Variants in SIPA1L3 observed in about 807,000 individuals in gnomAD.
The protein encoded by SIPA1L3 is signal-induced proliferation-associated 1-like protein 3.
In SIPA1L3, 59 loss-of-function variants were observed where a neutral mutation model predicts 150.1. That is an observed-to-expected ratio of 0.39 (90% CI 0.32 to 0.49). The LOEUF is 0.49. Ranked by LOEUF, SIPA1L3 falls within the 20% of genes least tolerant of loss-of-function variation. The probability of loss-of-function intolerance (pLI) is 0.86; values close to 1 mark genes in which losing one functional copy is unlikely to be tolerated. For synonymous variants in SIPA1L3, 1,070 were observed against 1,077.6 expected (o/e 0.99, Z 0.14); for missense variants, 2,211 against 2,489.5 (o/e 0.89, Z 2.38).
intron 2 of SIPA1L3, among the ~76,000 whole-genome samples, chr19:38,058,505 G>A (rs1044733240): frequency 2.6e-5 from 4 of 152,084 alleles, no homozygotes; most frequent in Non-Finnish European, 4.4e-5. Context: ...CTCTGTGAGG[G>A]TGCCCCGCTC....
At chr19:38,063,960 G>A (rs916777208) in intron 2 of SIPA1L3, among the ~76,000 whole-genome samples, 3 of 152,222 alleles carry the variant, frequency 2.0e-5, no homozygotes, top group African/African-American at 7.2e-5. Context: ...TAAGTACCCA[G>A]AAGGGGCCAC....
intron 1 of SIPA1L3, among the ~76,000 whole-genome samples, chr19:37,920,467 T>C (rs955366631): frequency 3.9e-5 from 6 of 152,148 alleles, no homozygotes; most frequent in Non-Finnish European, 4.4e-5. Context: ...GTGCAGGGGC[T>C]CAAGTGTGCA....
chr19:38,182,636 C>G lies in SIPA1L3; in HGVS notation c.4326C>G (p.Pro1442=). 1 of 1,614,196 alleles carries G rather than the reference C, an allele frequency of 6.2e-7. No individual in the cohort carries two copies. The highest frequency in any genetic ancestry group is 2.2e-5 in the East Asian group (1 of 44,886). The stretch of plus-strand genomic sequence containing the variant: ...CCTTTCAGCTCTCCGCCTCCGTCCC[C>G]AAGTCCTTCTTCTCCAAGCAGCCTG... The part of the protein sequence containing the change: ...PSPFQLSASV[P]KSFFSKQPVR... Residue 1442 remains proline, a synonymous_variant, in exon 16 of 22, where the codon CCC becomes CCG. Transcript: ENST00000222345.
intron 2 of SIPA1L3, 134 bp from the exon 3 acceptor site, chr19:38,081,122 G>T (rs868110126): frequency 2.5e-6 from 1 of 398,090 alleles, no homozygotes; most frequent in Middle Eastern, 6.4e-4. Context: ...CTCTGCTTTT[G>T]AGTATGTTTG....
chr19:37,974,855 C>T (rs1267994048), intron 1 of SIPA1L3, among the ~76,000 whole-genome samples: 1 of 152,116 alleles, frequency 6.6e-6, no homozygotes, highest in Non-Finnish European at 1.5e-5. Flanking sequence ...TCTCCCTTAT[C>T]CTAGTTTTAA....
intron 1 of SIPA1L3, among the ~76,000 whole-genome samples, chr19:38,028,245 T>C (rs1175205312): frequency 6.6e-6 from 1 of 152,214 alleles, no homozygotes; most frequent in East Asian, 1.9e-4. Context: ...CAAGTATGAT[T>C]TCTCTGTCAT....
chr19:38,110,453 C>A, intron 8 of SIPA1L3, 69 bp downstream of exon 8: 1 of 1,407,112 alleles, frequency 7.1e-7, no homozygotes, highest in Non-Finnish European at 9.9e-7. Context: ...CAAGTGGGTC[C>A]CAGTACAGGG....
intron 1 of SIPA1L3, among the ~76,000 whole-genome samples, chr19:37,947,382 A>G (rs1344503551): frequency 6.6e-6 from 1 of 151,112 alleles, no homozygotes; most frequent in Non-Finnish European, 1.5e-5. Flanking sequence ...CCAGCTACTC[A>G]GGAGGCTGAG....
At chr19:37,934,717 A>T (rs887609609) in intron 1 of SIPA1L3, among the ~76,000 whole-genome samples, 3 of 124,854 alleles carry the variant, frequency 2.4e-5, no homozygotes, top group Middle Eastern at 0.011. Flanking sequence ...TCCTTCACCC[A>T]TGGTAACAAT....
At position 37,962,463 on chromosome 19, in the gene SIPA1L3, C is replaced by CTTTTTTTTTTTTTTTTTTTTTTTTTT. The variant is rs71177491; in HGVS notation, c.-379+55128_-379+55129insTTTTTTTTTTTTTTTTTTTTTTTTTT. Among the ~76,000 whole-genome samples, 3 of 73,096 alleles carry CTTTTTTTTTTTTTTTTTTTTTTTTTT rather than the reference C, an allele frequency of 4.1e-5. 1 individual carries two copies. The highest frequency in any genetic ancestry group is 2.1e-4 in the African/African-American group (3 of 14,038). 48.0% of individuals were successfully genotyped at this position (73,096 alleles called of 152,430 possible). ...TTGGCCATGAGCCACTGCAGCCGGC[C>CTTTTTTTTTTTTTTTTTTTTTTTTTT]TTTTTTTTTTTTTTTTTTTTTTTGA... On this transcript the variant is annotated intron_variant, in intron 1 of 21. Coordinates refer to ENST00000222345, the MANE Select transcript of SIPA1L3 (RefSeq NM_015073.3).
rs769600619 is a variant in SIPA1L3, at chr19:38,082,685, G to A, written c.1120G>A (p.Ala374Thr). ...GCGGAACACCACCACGGGTGCTTCG[G>A]CCGCTTCCGCCGCCTCGGCCATGGC... Reference protein sequence around the residue: ...QRRNTTTGASAASAASAMASL... With the variant: ...QRRNTTTGASTASAASAMASL... The change falls in exon 3 of 22, where the codon GCC becomes ACC. Residue 374 changes from alanine to threonine, a missense_variant. Coordinates refer to ENST00000222345, the MANE Select transcript of SIPA1L3 (RefSeq NM_015073.3). The A allele has an allele frequency of 3.1e-6, 5 of 1,608,818 alleles. No individual in the cohort carries two copies. The highest frequency in any genetic ancestry group is 1.7e-5 in the Admixed American group (1 of 59,910).
chr19:38,132,507 C>A (rs535281925), intron 10 of SIPA1L3, among the ~76,000 whole-genome samples: 2 of 149,730 alleles, frequency 1.3e-5, no homozygotes, highest in African/African-American at 4.9e-5. Flanking sequence ...TTGCTTGAAC[C>A]CGGGAGGCAG....
intron 2 of SIPA1L3, among the ~76,000 whole-genome samples, chr19:38,041,128 T>C (rs1360653412): frequency 3.6e-5 from 5 of 140,450 alleles, no homozygotes; most frequent in Admixed American, 7.3e-5. Context: ...TTTTTTTGAG[T>C]TGGAGTCTCA....
chr19:37,986,591 A>C (rs1295281719), intron 1 of SIPA1L3, among the ~76,000 whole-genome samples: 1 of 152,190 alleles, frequency 6.6e-6, no homozygotes, highest in African/African-American at 2.4e-5. Context: ...GTGCCTCCAC[A>C]AAAGGGACTG....
At chr19:38,098,302 G>T (rs188736307) in intron 4 of SIPA1L3, among the ~76,000 whole-genome samples, 1 of 151,836 alleles carries the variant, frequency 6.6e-6, no homozygotes, top group Admixed American at 6.6e-5. Context: ...CTTTCCTCAT[G>T]ATTGCAATCT....
At chr19:38,043,889 A>G (rs930967687) in intron 2 of SIPA1L3, among the ~76,000 whole-genome samples, 1 of 152,142 alleles carries the variant, frequency 6.6e-6, no homozygotes, top group African/African-American at 2.4e-5. Flanking sequence ...TGAGCAGAGG[A>G]AGGACATGAT....
intron 1 of SIPA1L3, among the ~76,000 whole-genome samples, chr19:37,938,614 TTTC>T (rs2046622835): frequency 6.6e-6 from 1 of 151,222 alleles, no homozygotes; most frequent in Admixed American, 6.6e-5. Context: ...TTTTTCTTTT[TTTC>T]TTTTTTCTTT....
At chr19:37,984,138 T>G (rs1967279523) in intron 1 of SIPA1L3, among the ~76,000 whole-genome samples, 1 of 152,106 alleles carries the variant, frequency 6.6e-6, no homozygotes, top group Non-Finnish European at 1.5e-5. Context: ...CAGGGAGCGC[T>G]GTGTGAGCCC....
At chr19:38,000,193 G>A (rs528651127) in intron 1 of SIPA1L3, among the ~76,000 whole-genome samples, 4 of 152,228 alleles carry the variant, frequency 2.6e-5, no homozygotes, top group African/African-American at 9.6e-5. Flanking sequence ...TCAGCTAGGT[G>A]TGGTGGCTCA....
Sources: allele counts gnomAD v4.1 joint callset (sites outside exome capture counted in the v4.1 genomes callset), GRCh38; gene constraint gnomAD v4.1.1; transcripts MANE v1.5; gene names NCBI Gene and HGNC (gene_info 2026-07-23, HGNC 2026-07-21).